The following USH2A variants were observed in gnomAD, a reference collection of about 807,000 sequenced individuals.
The protein encoded by USH2A is Usher syndrome 2A (autosomal recessive, mild).
Under a neutral mutation model 538.9 loss-of-function variants are expected in USH2A, and 443 were observed. That is an observed-to-expected ratio of 0.82 (90% CI 0.76 to 0.89). The LOEUF (loss-of-function observed/expected upper bound fraction) is 0.89, where lower values mean the gene tolerates loss of function less well. USH2A is among the 40% of genes least tolerant of loss of function. USH2A has a pLI of 0.00. For missense variants in USH2A, 6,633 were observed against 6,324.8 expected (o/e 1.05, Z -1.65); for synonymous variants, 2,413 against 2,273.5 (o/e 1.06, Z -1.75).
At chr1:215,983,450 G>A (rs899739643) in intron 35 of USH2A, among the ~76,000 whole-genome samples, 3 of 152,134 alleles carry the variant, frequency 2.0e-5, no homozygotes, top group Non-Finnish European at 2.9e-5. Flanking sequence ...AGATAAGCAA[G>A]CCGCCACTAG....
At chr1:216,047,946 C>T (rs190901812) in intron 31 of USH2A, among the ~76,000 whole-genome samples, 79 of 152,290 alleles carry the variant, frequency 5.2e-4, no homozygotes, top group Admixed American at 1.9e-3. Context: ...GCCTTCTTAA[C>T]ATATGCTTTC....
chr1:215,797,353 C>A (rs1662172418), intron 50 of USH2A, among the ~76,000 whole-genome samples: 1 of 152,176 alleles, frequency 6.6e-6, no homozygotes, highest in African/African-American at 2.4e-5. Context: ...TAGGTAAGAT[C>A]ACTGATGAAG....
rs1305677506 is a variant in USH2A at position 216,175,381 on chromosome 1, A to G, written c.4498T>C (p.Tyr1500His). Residue 1500 changes from tyrosine to histidine, a missense_variant, in exon 21 of 72, where the codon TAT (tyrosine) becomes CAT (histidine). Tyr to His is a moderately conservative substitution (Grantham distance 83). Coordinates refer to ENST00000307340, the MANE Select transcript of USH2A (RefSeq NM_206933.4). ...GATGACTCTCTCCTTTCCAGCTGATATATAGGAGAGGGTCCATTCAGTTCT... is the reference window on the plus strand; with the variant it reads ...GATGACTCTCTCCTTTCCAGCTGATGTATAGGAGAGGGTCCATTCAGTTCT... ...PEELNGPSPI[Y>H]QLERRESSLP... is the part of the protein sequence containing the mutation. 1.3e-5 allele frequency: 21 copies of G among 1,613,636 alleles called. No individual in the cohort carries two copies. The highest frequency in any genetic ancestry group is 1.7e-5 in the Non-Finnish European group (20 of 1,179,850).
chr1:215,698,701 T>G (rs1474820748), intron 61 of USH2A, among the ~76,000 whole-genome samples: 1 of 152,222 alleles, frequency 6.6e-6, no homozygotes, highest in Non-Finnish European at 1.5e-5. Context: ...TTGTTTAAGT[T>G]CCTTGTAGAT....
intron 36 of USH2A, among the ~76,000 whole-genome samples, chr1:215,967,045 T>A (rs1401163014): frequency 6.6e-6 from 1 of 152,216 alleles, no homozygotes; most frequent in Non-Finnish European, 1.5e-5. Context: ...AAAAGGAATA[T>A]GTGGAAAAGG....
intron 43 of USH2A, among the ~76,000 whole-genome samples, chr1:215,871,446 A>C (rs1282366901): frequency 1.3e-5 from 2 of 152,236 alleles, no homozygotes; most frequent in Non-Finnish European, 2.9e-5. Context: ...CAGGTCACTT[A>C]TATAATTTTT....
intron 46 of USH2A, among the ~76,000 whole-genome samples, chr1:215,843,041 T>C (rs1663729111): frequency 6.6e-6 from 1 of 152,176 alleles, no homozygotes; most frequent in Admixed American, 6.5e-5. Flanking sequence ...AAGATATTTT[T>C]ATTTGGTTTT....
At chr1:216,374,665 C>T (rs1224007939) in intron 3 of USH2A, among the ~76,000 whole-genome samples, 1 of 152,108 alleles carries the variant, frequency 6.6e-6, no homozygotes, top group Non-Finnish European at 1.5e-5. Flanking sequence ...TATATAGACT[C>T]ATGAGTCTCT....
At position 216,072,938 on chromosome 1, in the gene USH2A, T is replaced by G. The variant is rs1361749084; in HGVS notation, c.5808A>C (p.Glu1936Asp). 2 of 1,613,958 alleles carry G rather than the reference T, an allele frequency of 1.2e-6. No homozygotes were observed. Among genetic ancestry groups the G allele is most frequent in the East Asian group, 4.5e-5 (2 of 44,866 alleles). ...EYLYRVIASH[E>D]GGSVYSDWSR... ...TCCAATCACTATATACTGAACCTCCTTCATGCGAGGCTATCACTCGATACA... is the reference window on the plus strand; with the variant it reads ...TCCAATCACTATATACTGAACCTCCGTCATGCGAGGCTATCACTCGATACA... The change falls in exon 29 of 72, where the codon GAA (glutamate) becomes GAC (aspartate). Residue 1936 changes from glutamate to aspartate, a missense_variant. By Grantham distance (45) the Glu-to-Asp change is conservative. Coordinates refer to ENST00000307340, the MANE Select transcript of USH2A (RefSeq NM_206933.4).
intron 47 of USH2A, among the ~76,000 whole-genome samples, chr1:215,836,180 A>G (rs1371586801): frequency 2.6e-5 from 4 of 151,780 alleles, no homozygotes; most frequent in Non-Finnish European, 4.4e-5. Flanking sequence ...AAGAATTTGA[A>G]AACATCCACC....
chr1:216,226,699 C>T (rs539973159), intron 14 of USH2A, among the ~76,000 whole-genome samples: 1 of 152,172 alleles, frequency 6.6e-6, no homozygotes, highest in Non-Finnish European at 1.5e-5. Flanking sequence ...GCTTATTAAC[C>T]TGTAGTCCAC....
At chr1:216,402,164 A>C (rs1010491647) in intron 3 of USH2A, among the ~76,000 whole-genome samples, 1 of 152,162 alleles carries the variant, frequency 6.6e-6, no homozygotes, top group Admixed American at 6.5e-5. Flanking sequence ...TGGCCTGTTA[A>C]AAAATCCTGA....
At chr1:215,986,385 G>C (rs998345442) in intron 35 of USH2A, among the ~76,000 whole-genome samples, 34 of 146,624 alleles carry the variant, frequency 2.3e-4, no homozygotes, top group Non-Finnish European at 3.9e-4. Flanking sequence ...AGGCTCAGGT[G>C]ATTTGCCCAC....
intron 18 of USH2A, among the ~76,000 whole-genome samples, chr1:216,197,246 T>TCATACA (rs1418054579): frequency 2.0e-5 from 3 of 152,146 alleles, no homozygotes; most frequent in African/African-American, 7.2e-5. Context: ...CTTGAAATGT[T>TCATACA]CAGGTTACAT....
intron 44 of USH2A, among the ~76,000 whole-genome samples, chr1:215,854,683 G>A (rs867823896): frequency 9.8e-5 from 15 of 152,298 alleles, no homozygotes; most frequent in Non-Finnish European, 1.5e-4. Context: ...ACTGGCTTGA[G>A]GAGGCAGTGC....
rs1186262390 is a variant in USH2A at position 216,422,444 on chromosome 1, G to C, written c.-108C>G. 4.6e-6 allele frequency: 7 copies of C among 1,512,916 alleles called. No individual in the cohort carries two copies. The South Asian group carries it at 8.2e-5, about 18-fold the overall frequency. The allele number at this position is 1,512,916 out of a possible 1,614,324, so 93.7% of individuals were successfully genotyped here. A position where few individuals can be genotyped will look rare whatever the true frequency, so the allele number is the denominator to read the frequency against. ...AGCAGGGTACTTTAAGTGATGTTGC[G>C]ATACTCCATTTTCTGGAAACTGCAG... On this transcript the variant is annotated 5_prime_UTR_variant, in exon 2 of 72. It adds an upstream start codon to the 5' untranslated region. Transcript: ENST00000307340.
chr1:215,928,297 A>G (rs777332325), intron 38 of USH2A, among the ~76,000 whole-genome samples: 22 of 152,210 alleles, frequency 1.4e-4, no homozygotes, highest in Non-Finnish European at 2.9e-4. Flanking sequence ...TGATCTTTAT[A>G]CTGAAATAAA....
intron 61 of USH2A, among the ~76,000 whole-genome samples, chr1:215,709,727 ATACC>A (rs2102697089): frequency 6.6e-6 from 1 of 152,050 alleles, no homozygotes; most frequent in African/African-American, 2.4e-5. Context: ...GGTAAAAATG[ATACC>A]TATGGTCATT....
chr1:215,908,231 C>T (rs531771749), intron 38 of USH2A, among the ~76,000 whole-genome samples: 15 of 151,928 alleles, frequency 9.9e-5, no homozygotes, highest in Middle Eastern at 6.8e-3. Flanking sequence ...CTCCCAAAAC[C>T]CCATTAAATT....
Sources: allele counts gnomAD v4.1 joint callset (sites outside exome capture counted in the v4.1 genomes callset), GRCh38; gene constraint gnomAD v4.1.1; transcripts MANE v1.5; gene names NCBI Gene and HGNC (gene_info 2026-07-23, HGNC 2026-07-21).